The following IGF1R variants were observed in gnomAD, a reference collection of about 807,000 sequenced individuals.
IGF1R encodes the protein insulin like growth factor 1 receptor.
Under a neutral mutation model 144.6 loss-of-function variants are expected in IGF1R, and 44 were observed. The ratio of observed to expected loss-of-function variants is 0.30; its 90% CI spans 0.24 to 0.39. The LOEUF is 0.39. Among genes scored for constraint, IGF1R ranks in the 10% least tolerant of loss-of-function variants. The pLI is 1.00. For synonymous variants in IGF1R, 795 were observed against 722.8 expected (o/e 1.10, Z -1.60); for missense variants, 1,355 against 1,833.7 (o/e 0.74, Z 4.77).
At chr15:98,946,015 C>CGATGAT (rs1192432000) in intron 19 of IGF1R, among the ~76,000 whole-genome samples, 2 of 151,402 alleles carry the variant, frequency 1.3e-5, no homozygotes, top group East Asian at 1.9e-4. Flanking sequence ...ATGATGATGA[C>CGATGAT]GATGATGACG....
chr15:98,930,136 T>G, intron 14 of IGF1R, 99 bp from the exon 15 acceptor site: 12 of 834,768 alleles, frequency 1.4e-5, no homozygotes, highest in Non-Finnish European at 2.2e-5. Context: ...TGATACCGTG[T>G]GAGAGAGGAT....
intron 10 of IGF1R, among the ~76,000 whole-genome samples, chr15:98,918,794 G>A (rs189924568): frequency 3.5e-4 from 53 of 152,240 alleles, no homozygotes; most frequent in African/African-American, 1.1e-3. Flanking sequence ...CAGGATAATC[G>A]CTTGAACCCG....
chr15:98,822,481 G>A (rs2056819969), intron 2 of IGF1R, among the ~76,000 whole-genome samples: 1 of 152,088 alleles, frequency 6.6e-6, no homozygotes, highest in Non-Finnish European at 1.5e-5. Flanking sequence ...AAAGTTTGGA[G>A]CCTAACTTAG....
intron 1 of IGF1R, among the ~76,000 whole-genome samples, chr15:98,682,934 G>A (rs994957493): frequency 5.3e-5 from 8 of 151,324 alleles, no homozygotes; most frequent in Non-Finnish European, 8.8e-5. Context: ...CATTTAAGTT[G>A]GAGCAGGCTC....
intron 5 of IGF1R, 63 bp downstream of exon 5, chr15:98,899,684 CTG>C (rs2014378532): frequency 3.9e-6 from 6 of 1,536,980 alleles, no homozygotes; most frequent in South Asian, 2.2e-5. Flanking sequence ...GCTTATGAAA[CTG>C]TGTTGCTGAG....
At chr15:98,956,240 G>C (rs1490910901) in intron 20 of IGF1R, among the ~76,000 whole-genome samples, 1 of 152,242 alleles carries the variant, frequency 6.6e-6, no homozygotes, top group Non-Finnish European at 1.5e-5. Context: ...TGCAGCCCAG[G>C]TGCTGTCGGA....
At position 98,940,275 on chromosome 15, in the gene IGF1R, T is replaced by G. The variant is rs534515389; in HGVS notation, c.3457+915T>G. Among the ~76,000 whole-genome samples the G allele has an allele frequency of 1.9e-4, 29 of 152,380 alleles. No individual in the cohort carries two copies. The East Asian group carries it at 5.6e-3, about 29-fold the overall frequency. On this transcript the variant is annotated intron_variant, in intron 18 of 20. Coordinates refer to ENST00000650285, the MANE Select transcript of IGF1R (RefSeq NM_000875.5). ...AAAGAAGCTATTTCAAATGGACCTC[T>G]GTGTCTAGTTCTTGAACTGCCTTTT...
chr15:98,707,780 G>A lies in IGF1R; in HGVS notation c.313G>A (p.Val105Ile). The change falls in exon 2 of 21, where the codon GTC becomes ATC. Residue 105 changes from valine (V) to isoleucine (I), a missense_variant. Physicochemically the swap from Val to Ile is conservative, Grantham distance 29. Coordinates refer to ENST00000650285, the MANE Select transcript of IGF1R (RefSeq NM_000875.5). This position sits in a 1 kb window ranked among gnomAD's most constrained non-coding sequence, Gnocchi z 6.7. ...CGGAGACCTCTTCCCCAACCTCACG[G>A]TCATCCGCGGCTGGAAACTCTTCTA... Reference protein sequence around the residue: ...SLGDLFPNLTVIRGWKLFYNY... With the variant: ...SLGDLFPNLTIIRGWKLFYNY... 6.2e-7 allele frequency: 1 copy of A among 1,614,164 alleles called. No homozygotes were observed. The highest frequency in any genetic ancestry group is 1.1e-5 in the South Asian group (1 of 91,084).
At chr15:98,843,328 C>G (rs1348155600) in intron 2 of IGF1R, among the ~76,000 whole-genome samples, 1 of 152,096 alleles carries the variant, frequency 6.6e-6, no homozygotes, top group Non-Finnish European at 1.5e-5. Context: ...AGACGCAGAA[C>G]AAATTAACTC....
intron 6 of IGF1R, 110 bp from the exon 7 acceptor site, chr15:98,911,205 C>G (rs2015000031): frequency 1.6e-6 from 2 of 1,266,414 alleles, no homozygotes; most frequent in African/African-American, 1.5e-5. Context: ...CAGAAGGGAA[C>G]TTAGCATATA....
At chr15:98,708,465 C>G (rs2053919139) in intron 2 of IGF1R, among the ~76,000 whole-genome samples, 1 of 152,212 alleles carries the variant, frequency 6.6e-6, no homozygotes, top group South Asian at 2.1e-4. Flanking sequence ...GCTTGGAAGT[C>G]CCTGAGCCTT....
chr15:98,769,792 T>C (rs557554740), intron 2 of IGF1R, among the ~76,000 whole-genome samples: 2 of 152,356 alleles, frequency 1.3e-5, no homozygotes, highest in Admixed American at 1.3e-4. Context: ...TATTTTCTTA[T>C]CAGTAGCACT....
At chr15:98,882,463 A>G (rs1369541614) in intron 2 of IGF1R, among the ~76,000 whole-genome samples, 3 of 152,218 alleles carry the variant, frequency 2.0e-5, no homozygotes, top group East Asian at 1.9e-4. Flanking sequence ...TCAGTATGCA[A>G]TGGATGACTG....
Position 98,649,678 on chromosome 15 carries a change from G to A in IGF1R, c.94+3G>A. 2 of 1,606,340 alleles carry A rather than the reference G, an allele frequency of 1.2e-6. No individual in the cohort carries two copies. The highest frequency in any genetic ancestry group is 1.7e-6 in the Non-Finnish European group (2 of 1,174,992). On this transcript the variant is annotated splice_donor_region_variant and intron_variant, in intron 1 of 20. Coordinates refer to ENST00000650285, the MANE Select transcript of IGF1R (RefSeq NM_000875.5). ...GCTCTGGCCGACGAGTGGAGAAAGT[G>A]AGTATGTGCCCGCCGCCCGCGGCCA... is the stretch of plus-strand genomic sequence containing the variant.
At chr15:98,756,004 C>T (rs2055146286) in intron 2 of IGF1R, among the ~76,000 whole-genome samples, 1 of 151,994 alleles carries the variant, frequency 6.6e-6, no homozygotes, top group Non-Finnish European at 1.5e-5. Context: ...TCTTTGCATT[C>T]CTGGAATAAG....
At chr15:98,770,481 T>C (rs750925516) in intron 2 of IGF1R, among the ~76,000 whole-genome samples, 3 of 152,194 alleles carry the variant, frequency 2.0e-5, no homozygotes, top group Non-Finnish European at 4.4e-5. Flanking sequence ...TCCCAACACA[T>C]AGAAAGGATA....
intron 2 of IGF1R, chr15:98,820,844 G>C (rs1338028336): frequency 6.6e-6 from 1 of 152,146 alleles, no homozygotes; most frequent in Non-Finnish European, 1.5e-5. Context: ...TTTGAATTAC[G>C]GAACACCTCT....
intron 2 of IGF1R, among the ~76,000 whole-genome samples, chr15:98,775,887 G>C (rs543065930): frequency 1.3e-5 from 2 of 152,304 alleles, no homozygotes; most frequent in South Asian, 2.1e-4. Flanking sequence ...GAGAACCACT[G>C]GTCTATTAAA....
At chr15:98,802,262 A>T (rs999773498) in intron 2 of IGF1R, among the ~76,000 whole-genome samples, 4 of 152,196 alleles carry the variant, frequency 2.6e-5, no homozygotes, top group Non-Finnish European at 5.9e-5. Flanking sequence ...TCTGGATAAT[A>T]ACTACTATAT....
Sources: gnomAD v4.1 joint callset for allele counts (sites outside exome capture counted in the v4.1 genomes callset) on GRCh38, gnomAD v4.1.1 for gene constraint, Gnocchi (gnomAD v3.1) non-coding constraint, MANE v1.5 for transcripts, NCBI Gene and HGNC (gene_info 2026-07-23, HGNC 2026-07-21) for gene names.